FIG4: variants seen among roughly 807,000 people sequenced by gnomAD.
The protein encoded by FIG4 is polyphosphoinositide phosphatase.
A neutral mutation model predicts 118.6 loss-of-function variants in FIG4; 112 were observed. The observed-to-expected ratio is 0.94, with a 90% CI of 0.81 to 1.11. FIG4 has a LOEUF of 1.11. Ranked by LOEUF, FIG4 falls within the 50% of genes least tolerant of loss-of-function variation. The pLI, the probability that FIG4 is intolerant of heterozygous loss-of-function variation, is 0.00. For synonymous variants in FIG4, 369 were observed against 381.2 expected, an observed-to-expected ratio of 0.97 and a Z score of 0.37; for missense variants, 969 against 1,111.7, an observed-to-expected ratio of 0.87 and a Z score of 1.83.
Position 109,784,411 on chromosome 6 carries a change from C to T in FIG4, c.1890-559C>T, listed in dbSNP as rs549163133. On this transcript the variant is annotated intron_variant, in intron 16 of 22. Transcript: ENST00000230124. The stretch of plus-strand genomic sequence containing the variant: ...GCACATATTTACAGTTAAAGAATAA[C>T]GGTCTATACTGCTTTCTAAGGGAAC... 7.2e-5 allele frequency among the ~76,000 whole-genome samples: 11 copies of T among 152,264 alleles called. No individual in the cohort carries two copies. The East Asian group carries it at 7.7e-4, about 11-fold the overall frequency.
chr6:109,714,243 G>T (rs771605743), intron 1 of FIG4, among the ~76,000 whole-genome samples: 4 of 152,094 alleles, frequency 2.6e-5, no homozygotes, highest in Non-Finnish European at 4.4e-5. Flanking sequence ...AGTCACTGGG[G>T]GCCAGGAATG....
chr6:109,822,521 G>T (rs1270381952), intron 22 of FIG4, among the ~76,000 whole-genome samples: 4 of 151,792 alleles, frequency 2.6e-5, no homozygotes, highest in Non-Finnish European at 1.5e-5. Context: ...AATCTCTATT[G>T]TGTATTTCAT....
At chr6:109,794,216 G>A (rs1463346280) in intron 21 of FIG4, among the ~76,000 whole-genome samples, 1 of 152,212 alleles carries the variant, frequency 6.6e-6, no homozygotes, top group East Asian at 1.9e-4. Flanking sequence ...AGGCAATTCT[G>A]TAGTAGATTA....
At chr6:109,757,598 G>A (rs970879975) in intron 10 of FIG4, among the ~76,000 whole-genome samples, 1 of 152,266 alleles carries the variant, frequency 6.6e-6, no homozygotes, top group South Asian at 2.1e-4. Context: ...ACATGGTATG[G>A]GAAGTTCTGG....
chr6:109,782,051 TAGAC>T (rs1777822135), intron 16 of FIG4, among the ~76,000 whole-genome samples: 1 of 152,120 alleles, frequency 6.6e-6, no homozygotes, highest in African/African-American at 2.4e-5. Context: ...CTAGGAAAAT[TAGAC>T]AGTGTAAAAA....
intron 4 of FIG4, among the ~76,000 whole-genome samples, chr6:109,729,263 A>G (rs755278401): frequency 1.3e-5 from 2 of 152,228 alleles, no homozygotes; most frequent in Non-Finnish European, 2.9e-5. Flanking sequence ...CATATTTGAC[A>G]AAATTCAATA....
intron 9 of FIG4, 23 bp from the exon 10 acceptor site, chr6:109,743,652 T>C: frequency 1.3e-6 from 2 of 1,586,158 alleles, no homozygotes; most frequent in Admixed American, 3.3e-5. Context: ...TTCAGGTGCT[T>C]TTTCATCTTT....
intron 4 of FIG4, among the ~76,000 whole-genome samples, chr6:109,728,800 C>T (rs1474715144): frequency 6.6e-6 from 1 of 152,140 alleles, no homozygotes; most frequent in Non-Finnish European, 1.5e-5. Flanking sequence ...TTGACCAGAC[C>T]ATGCGAATCC....
chr6:109,822,714 T>C (rs1186615315), intron 22 of FIG4, among the ~76,000 whole-genome samples: 1 of 149,928 alleles, frequency 6.7e-6, no homozygotes, highest in Non-Finnish European at 1.5e-5. Context: ...ATTATAAAAG[T>C]TCACATGGCT....
chr6:109,792,169 T>C (rs1356726372), intron 20 of FIG4, among the ~76,000 whole-genome samples: 1 of 152,226 alleles, frequency 6.6e-6, no homozygotes, highest in Non-Finnish European at 1.5e-5. Flanking sequence ...TTTTTGTAAA[T>C]AAAATTACAC....
intron 3 of FIG4, among the ~76,000 whole-genome samples, chr6:109,726,283 G>T (rs1775811641): frequency 6.6e-6 from 1 of 152,172 alleles, no homozygotes; most frequent in Non-Finnish European, 1.5e-5. Context: ...TGTATAAGGT[G>T]TAAGGAAGGG....
At chr6:109,777,212 T>C in intron 16 of FIG4, 152 bp downstream of exon 16, 1 of 634,786 alleles carries the variant, frequency 1.6e-6, no homozygotes, top group Non-Finnish European at 2.6e-6. Context: ...GTAGTAGGTG[T>C]ATATTTTTAT....
At position 109,739,184 on chromosome 6, in the gene FIG4, A is replaced by C. The variant is rs531000543; in HGVS notation, c.775+731A>C. Among the ~76,000 whole-genome samples, 6 of 152,286 alleles carry C rather than the reference A, an allele frequency of 3.9e-5. No homozygotes were observed. The East Asian group carries it at 1.2e-3, about 29-fold the overall frequency. ...TTGCAGTAGTCCAGGCAAGAGGGCA[A>C]AATAGATTAAAGAGAAGTAGGTTCA... On this transcript the variant is annotated intron_variant, in intron 7 of 22. Coordinates refer to ENST00000230124, the MANE Select transcript of FIG4 (RefSeq NM_014845.6).
At chr6:109,806,057 T>G (rs1778555952) in intron 22 of FIG4, among the ~76,000 whole-genome samples, 1 of 152,202 alleles carries the variant, frequency 6.6e-6, no homozygotes, top group African/African-American at 2.4e-5. Flanking sequence ...TGAAGCTTCT[T>G]AAGCCCAGTA....
In FIG4 at chr6:109,795,094, A is replaced by G. The variant is rs570763671; in HGVS notation, c.2460-1671A>G. Among the ~76,000 whole-genome samples the G allele has an allele frequency of 3.5e-4, 27 of 77,208 alleles. 2 individuals carry two copies. In the South Asian group the frequency reaches 5.8e-3, roughly 16 times the overall value. 50.7% of individuals were successfully genotyped at this position (77,208 alleles called of 152,430 possible). A position where few individuals can be genotyped will look rare whatever the true frequency, so the allele number is the denominator to read the frequency against. ...TTCCTCAAAGCTTCATACACTTGCC[A>G]GTTTTTTTTTTTTTTTTTTTTTTTT... On this transcript the variant is annotated intron_variant, in intron 21 of 22. Coordinates refer to ENST00000230124, the MANE Select transcript of FIG4 (RefSeq NM_014845.6).
At chr6:109,817,351 C>T (rs931039108) in intron 22 of FIG4, among the ~76,000 whole-genome samples, 13 of 152,134 alleles carry the variant, frequency 8.5e-5, no homozygotes, top group African/African-American at 3.1e-4. Flanking sequence ...ATAATAAACG[C>T]AGCTGAAACA....
At chr6:109,714,001 A>C (rs568196110) in intron 1 of FIG4, among the ~76,000 whole-genome samples, 1 of 152,246 alleles carries the variant, frequency 6.6e-6, no homozygotes, top group South Asian at 2.1e-4. Flanking sequence ...CTATGGGAAC[A>C]AGTCAACCCT....
Position 109,796,825 on chromosome 6 carries a change from T to C in FIG4, c.2520T>C (p.Ser840=). The C allele has an allele frequency of 1.9e-6, 3 of 1,608,640 alleles. No individual in the cohort carries two copies. Among genetic ancestry groups the C allele is most frequent in the Non-Finnish European group, 2.6e-6 (3 of 1,174,940 alleles). ...KQDKNSQQPC[S]RCSDGVIKLT... Reference sequence around the variant, plus strand: ...ACAAGAATAGCCAGCAGCCCTGTTCTAGGTGCTCAGATGGAGTTATAAAAC... The same window carrying C: ...ACAAGAATAGCCAGCAGCCCTGTTCCAGGTGCTCAGATGGAGTTATAAAAC... The change falls in exon 22 of 23, where the codon TCT becomes TCC. Residue 840 remains serine (S), a synonymous_variant. Transcript: ENST00000230124.
At chr6:109,820,695 A>C (rs1284091359) in intron 22 of FIG4, among the ~76,000 whole-genome samples, 3 of 152,180 alleles carry the variant, frequency 2.0e-5, no homozygotes, top group African/African-American at 7.2e-5. Flanking sequence ...TTCTGGAAGA[A>C]GGCAGCAGCA....
Sources: allele counts gnomAD v4.1 joint callset (sites outside exome capture counted in the v4.1 genomes callset), GRCh38; gene constraint gnomAD v4.1.1; transcripts MANE v1.5; gene names NCBI Gene and HGNC (gene_info 2026-07-23, HGNC 2026-07-21).